NRIP1: variants seen among roughly 807,000 people sequenced by gnomAD.
NRIP1 encodes the protein nuclear receptor interacting protein 1.
A neutral mutation model predicts 75.0 loss-of-function variants in NRIP1; 28 were observed. That is an observed-to-expected ratio of 0.37 (90% confidence interval 0.28 to 0.51). The LOEUF (loss-of-function observed/expected upper bound fraction) is 0.51. NRIP1 is among the 20% of genes least tolerant of loss of function. The pLI is 0.92. For missense variants in NRIP1, 1,435 were observed against 1,343.7 expected (o/e 1.07, Z -1.06); for synonymous variants, 526 against 487.6 (o/e 1.08, Z -1.04).
At chr21:15,032,913 G>A (rs1336970720) in intron 2 of NRIP1, among the ~76,000 whole-genome samples, 2 of 152,116 alleles carry the variant, frequency 1.3e-5, no homozygotes, top group East Asian at 1.9e-4. Context: ...TAAATAATGG[G>A]CCACTGAGAA....
At chr21:15,024,481 G>A (rs2088464805) in intron 2 of NRIP1, among the ~76,000 whole-genome samples, 1 of 152,086 alleles carries the variant, frequency 6.6e-6, no homozygotes, top group Non-Finnish European at 1.5e-5. Flanking sequence ...GGCGGAGGTT[G>A]CAGTGAGCTG....
At chr21:15,063,671 A>G (rs1978536277) in intron 1 of NRIP1, among the ~76,000 whole-genome samples, 1 of 152,202 alleles carries the variant, frequency 6.6e-6, no homozygotes, top group South Asian at 2.1e-4. Flanking sequence ...ACAATCCCAC[A>G]TGTAATCATT....
At chr21:15,046,373 A>T (rs1348376744) in intron 1 of NRIP1, among the ~76,000 whole-genome samples, 1 of 152,212 alleles carries the variant, frequency 6.6e-6, no homozygotes, top group African/African-American at 2.4e-5. Flanking sequence ...GTGGTCAATA[A>T]ACAGTAATAT....
chr21:14,998,422 T>C (rs2087781273), intron 3 of NRIP1, among the ~76,000 whole-genome samples: 1 of 152,244 alleles, frequency 6.6e-6, no homozygotes, highest in African/African-American at 2.4e-5. Context: ...CATTGCCCCT[T>C]GGTGGTCCCC....
intron 3 of NRIP1, among the ~76,000 whole-genome samples, chr21:14,980,418 G>C (rs2087200556): frequency 6.6e-6 from 1 of 152,020 alleles, no homozygotes; most frequent in Non-Finnish European, 1.5e-5. Context: ...AGGTTGCAGT[G>C]AGCCAAGATC....
chr21:14,967,668 T>C lies in NRIP1; in HGVS notation c.525A>G (p.Leu175=), dbSNP rs773374422. ...SHDSLKVEKD[L]RCYGVASSHL... ...GACTTGATGCAACACCATAGCACCT[T>C]AAATCCTTCTCCACTTTTAAAGAAT... Residue 175 remains leucine, a synonymous_variant, in exon 4 of 4, where the codon TTA becomes TTG. Coordinates refer to ENST00000318948, the MANE Select transcript of NRIP1 (RefSeq NM_003489.4). 1.3e-5 allele frequency: 21 copies of C among 1,614,000 alleles called. No individual in the cohort carries two copies. The highest frequency in any genetic ancestry group is 3.3e-5 in the Admixed American group (2 of 59,984).
In NRIP1 at chr21:15,030,935, G is replaced by A. The variant is rs1417427720; in HGVS notation, c.-458+12560C>T. Among the ~76,000 whole-genome samples, 127 of 129,076 alleles carry A rather than the reference G, an allele frequency of 9.8e-4. 1 individual carries two copies. The highest frequency in any genetic ancestry group is 2.7e-3 in the African/African-American group (106 of 38,700). 84.7% of individuals were successfully genotyped at this position (129,076 alleles called of 152,430 possible). A position where few individuals can be genotyped will look rare whatever the true frequency, so the allele number is the denominator to read the frequency against. On this transcript the variant is annotated intron_variant, in intron 2 of 3. Transcript: ENST00000318948. ...TCCCTTTCTATGTGTGTACACTCTG[G>A]AAGGCACTCAGAGGATCACCACATT...
chr21:15,011,657 A>G (rs2088107168), intron 3 of NRIP1, among the ~76,000 whole-genome samples: 3 of 152,234 alleles, frequency 2.0e-5, no homozygotes, highest in Non-Finnish European at 4.4e-5. Flanking sequence ...AACAATAAAA[A>G]TTCCATTAGA....
intron 1 of NRIP1, among the ~76,000 whole-genome samples, chr21:15,060,164 A>T (rs994630843): frequency 6.6e-6 from 1 of 152,186 alleles, no homozygotes; most frequent in Non-Finnish European, 1.5e-5. Context: ...TACTCATCTC[A>T]GTTTCTATAT....
At chr21:15,019,028 G>A (rs2088303590) in intron 2 of NRIP1, among the ~76,000 whole-genome samples, 1 of 151,730 alleles carries the variant, frequency 6.6e-6, no homozygotes, top group African/African-American at 2.4e-5. Flanking sequence ...TATCACTGAT[G>A]TGTTGGATTT....
intron 2 of NRIP1, among the ~76,000 whole-genome samples, chr21:15,027,203 G>C (rs1214441206): frequency 6.6e-6 from 1 of 152,204 alleles, no homozygotes; most frequent in Admixed American, 6.5e-5. Flanking sequence ...GCGGTTGCAA[G>C]ACACCAGGGG....
intron 1 of NRIP1, among the ~76,000 whole-genome samples, chr21:15,046,360 T>A (rs2089074079): frequency 1.3e-5 from 2 of 152,180 alleles, no homozygotes; most frequent in South Asian, 4.1e-4. Context: ...AGTGACCAGG[T>A]GCGTGGTCAA....
At position 15,062,671 on chromosome 21, in the gene NRIP1, T is replaced by G. The variant is rs369002929; in HGVS notation, c.-538+2074A>C. ...ACGGGCTTTTGAAAGCTAGTACTTC[T>G]TAATCATTTTCGACTATATCAGAAC... On this transcript the variant is annotated intron_variant, in intron 1 of 3. Transcript: ENST00000318948. Among the ~76,000 whole-genome samples the G allele has an allele frequency of 1.6e-4, 24 of 152,360 alleles. No individual in the cohort carries two copies. In the South Asian group the frequency reaches 5.0e-3, roughly 32 times the overall value.
In NRIP1 at chr21:15,063,453, A is replaced by C. The variant is rs138765152; in HGVS notation, c.-538+1292T>G. 3.5e-4 allele frequency among the ~76,000 whole-genome samples: 54 copies of C among 152,338 alleles called. 1 individual carries two copies. The highest frequency in any genetic ancestry group is 1.2e-3 in the African/African-American group (50 of 41,592). On this transcript the variant is annotated intron_variant, in intron 1 of 3. Coordinates refer to ENST00000318948, the MANE Select transcript of NRIP1 (RefSeq NM_003489.4). ...GTGGAAAACTGATGATTAAACACTG[A>C]ATAATGCCACCCACTTACTAAACCT...
intron 2 of NRIP1, among the ~76,000 whole-genome samples, chr21:15,041,558 C>T (rs567481438): frequency 1.3e-5 from 2 of 152,190 alleles, no homozygotes; most frequent in Non-Finnish European, 2.9e-5. Context: ...AAAACTAATT[C>T]CTATCTTGAA....
chr21:15,062,774 T>A (rs566952456), intron 1 of NRIP1, among the ~76,000 whole-genome samples: 3 of 152,234 alleles, frequency 2.0e-5, no homozygotes, highest in Non-Finnish European at 2.9e-5. Context: ...GTATAGGTTA[T>A]TTTTTATCAT....
chr21:14,976,499 G>A (rs1216158329), intron 3 of NRIP1, among the ~76,000 whole-genome samples: 2 of 152,096 alleles, frequency 1.3e-5, no homozygotes, highest in Non-Finnish European at 2.9e-5. Flanking sequence ...AATTTTTTTA[G>A]AGCTTTTTAA....
At chr21:14,977,878 A>G (rs147157805) in intron 3 of NRIP1, among the ~76,000 whole-genome samples, 43 of 152,348 alleles carry the variant, frequency 2.8e-4, no homozygotes, top group Non-Finnish European at 4.9e-4. Flanking sequence ...TGAGGGCCTC[A>G]ACATTTGAAA....
Position 14,963,680 on chromosome 21 carries a change from C to T in NRIP1, c.*1036G>A, listed in dbSNP as rs78550184. On this transcript the variant is annotated 3_prime_UTR_variant, in exon 4 of 4. Coordinates refer to ENST00000318948, the MANE Select transcript of NRIP1 (RefSeq NM_003489.4). ...AGATGCAGATGGAAGATTCCAGGTC[C>T]ACTTAGCAGAGATTCTTGTTCTGTA... The T allele has an allele frequency of 6.6e-6, 1 of 152,154 alleles. No homozygotes were observed. The highest frequency in any genetic ancestry group is 2.4e-5 in the African/African-American group (1 of 41,548). The allele number at this position is 152,154 out of a possible 1,614,324, so 9.4% of individuals were successfully genotyped here. A position where few individuals can be genotyped will look rare whatever the true frequency, so the allele number is the denominator to read the frequency against.
Sources: gnomAD v4.1 joint callset for allele counts (sites outside exome capture counted in the v4.1 genomes callset) on GRCh38, gnomAD v4.1.1 for gene constraint, MANE v1.5 for transcripts, NCBI Gene and HGNC (gene_info 2026-07-23, HGNC 2026-07-21) for gene names.